Variants in GPBP1 observed in about 807,000 individuals in gnomAD.
GPBP1 encodes vasculin.
A neutral mutation model predicts 56.5 loss-of-function variants in GPBP1; 13 were observed. The observed-to-expected ratio is 0.23, with a 90% confidence interval of 0.15 to 0.37. The LOEUF is 0.37. Among genes scored for constraint, GPBP1 ranks in the 10% least tolerant of loss-of-function variants. The probability of loss-of-function intolerance (pLI) is 1.00; values close to 1 mark genes in which losing one functional copy is unlikely to be tolerated. For synonymous variants in GPBP1, 204 were observed against 188.9 expected, an observed-to-expected ratio of 1.08 and a Z score of -0.66; for missense variants, 477 against 572.3, an observed-to-expected ratio of 0.83 and a Z score of 1.70.
chr5:57,177,471 C>T (rs1323607162), intron 2 of GPBP1, among the ~76,000 whole-genome samples: 6 of 151,488 alleles, frequency 4.0e-5, no homozygotes, highest in Non-Finnish European at 7.4e-5. Flanking sequence ...CTTTCTGAGA[C>T]GAAAGACTAA....
At chr5:57,175,225 A>T (rs575974905) in intron 1 of GPBP1, among the ~76,000 whole-genome samples, 1 of 152,180 alleles carries the variant, frequency 6.6e-6, no homozygotes, top group African/African-American at 2.4e-5. Context: ...CTTGCCCTCC[A>T]TAATACCGTC....
intron 6 of GPBP1, among the ~76,000 whole-genome samples, chr5:57,243,051 A>G (rs1009679434): frequency 2.7e-5 from 4 of 150,778 alleles, no homozygotes; most frequent in Non-Finnish European, 5.9e-5. Context: ...GCCCGGCCTA[A>G]TATGAATTAC....
chr5:57,233,318 A>G (rs1756536063), intron 5 of GPBP1, among the ~76,000 whole-genome samples: 1 of 152,186 alleles, frequency 6.6e-6, no homozygotes, highest in Non-Finnish European at 1.5e-5. Flanking sequence ...TCCTGTTATC[A>G]AGTAACTTTG....
At chr5:57,186,089 A>G (rs549467203) in intron 2 of GPBP1, among the ~76,000 whole-genome samples, 1 of 152,216 alleles carries the variant, frequency 6.6e-6, no homozygotes, top group Non-Finnish European at 1.5e-5. Context: ...GTGTCTTTTG[A>G]AGAGCAAAAA....
intron 2 of GPBP1, among the ~76,000 whole-genome samples, chr5:57,191,625 G>C (rs1012653628): frequency 1.3e-5 from 2 of 150,852 alleles, no homozygotes; most frequent in African/African-American, 4.9e-5. Context: ...GCAGTGGTGC[G>C]ATCTCAGCTC....
chr5:57,194,994 T>A (rs575150479), intron 2 of GPBP1, among the ~76,000 whole-genome samples: 1 of 152,290 alleles, frequency 6.6e-6, no homozygotes, highest in South Asian at 2.1e-4. Context: ...ATATACTGAT[T>A]TCCTTTGTTT....
intron 2 of GPBP1, among the ~76,000 whole-genome samples, chr5:57,190,441 C>T (rs1280903271): frequency 4.0e-5 from 6 of 151,670 alleles, no homozygotes; most frequent in Admixed American, 1.3e-4. Flanking sequence ...AAAAATTAGC[C>T]GAGCGTGTTG....
intron 2 of GPBP1, among the ~76,000 whole-genome samples, chr5:57,201,222 G>C (rs1305247323): frequency 6.6e-6 from 1 of 152,130 alleles, no homozygotes; most frequent in Non-Finnish European, 1.5e-5. Flanking sequence ...CTGTTGCCCA[G>C]GCTCGTGATC....
chr5:57,200,130 G>A (rs1230085293), intron 2 of GPBP1, among the ~76,000 whole-genome samples: 9 of 76,052 alleles, frequency 1.2e-4, no homozygotes, highest in Admixed American at 5.2e-4. Flanking sequence ...ACCCGTCCCC[G>A]CCCCGCCCCT....
chr5:57,229,315 T>C (rs994062736), intron 3 of GPBP1, among the ~76,000 whole-genome samples: 2 of 141,826 alleles, frequency 1.4e-5, no homozygotes, highest in East Asian at 2.0e-4. Flanking sequence ...TATTGGCCAA[T>C]GGGCAAGAGG....
At chr5:57,236,624 T>C (rs1756674819) in intron 6 of GPBP1, among the ~76,000 whole-genome samples, 1 of 152,054 alleles carries the variant, frequency 6.6e-6, no homozygotes, top group Non-Finnish European at 1.5e-5. Flanking sequence ...AAAAGACTGC[T>C]GACAGTTCAA....
At position 57,247,178 on chromosome 5, in the gene GPBP1, C is replaced by G. The variant is rs189491711; in HGVS notation, c.767C>G (p.Ala256Gly). Residue 256 changes from alanine (A) to glycine (G), a missense_variant, in exon 8 of 12, where the codon GCC (alanine) becomes GGC (glycine). Coordinates refer to ENST00000506184, the MANE Select transcript of GPBP1 (RefSeq NM_022913.4). ...VGNFNAFKST[A>G]KNFSPSTNSV... ...AACTTTAATGCTTTTAAATCAACTG[C>G]CAAGAACTTTAGTCCATCTACAAAT... 6.2e-7 allele frequency: 1 copy of G among 1,613,426 alleles called. No homozygotes were observed. The highest frequency in any genetic ancestry group is 2.2e-5 in the East Asian group (1 of 44,796).
intron 3 of GPBP1, among the ~76,000 whole-genome samples, chr5:57,229,279 TCTTCTCAACC>T: frequency 6.9e-6 from 1 of 144,024 alleles, no homozygotes; most frequent in Middle Eastern, 3.5e-3. Flanking sequence ...GAGTTGTCTG[TCTTCTCAACC>T]CTTACTGTCA....
At chr5:57,251,275 A>G (rs746188596) in intron 10 of GPBP1, 134 bp downstream of exon 10, 3 of 713,994 alleles carry the variant, frequency 4.2e-6, no homozygotes, top group South Asian at 2.1e-5. Flanking sequence ...TGATATACAG[A>G]TGGTTTTTAA....
At chr5:57,206,593 C>T (rs1297318535) in intron 2 of GPBP1, among the ~76,000 whole-genome samples, 2 of 151,922 alleles carry the variant, frequency 1.3e-5, no homozygotes, top group African/African-American at 4.8e-5. Flanking sequence ...AGGCTGGTCT[C>T]GGACTCCTGA....
At position 57,247,303 on chromosome 5, in the gene GPBP1, A is replaced by G. The variant is rs188873619; in HGVS notation, c.804+88A>G. 1.3e-4 allele frequency: 136 copies of G among 1,029,442 alleles called. No homozygotes were observed. The African/African-American group carries it at 2.0e-3, about 15-fold the overall frequency. The allele number at this position is 1,029,442 out of a possible 1,614,324, so 63.8% of individuals were successfully genotyped here. On this transcript the variant is annotated intron_variant, in intron 8 of 11. Transcript: ENST00000506184. ...ATAAAAGGTAGAAATTCATTAAATG[A>G]ATACATTAAAATGAGTTTCATTCCT...
chr5:57,202,609 T>C (rs1327104152), intron 2 of GPBP1, among the ~76,000 whole-genome samples: 1 of 152,132 alleles, frequency 6.6e-6, no homozygotes, highest in Non-Finnish European at 1.5e-5. Flanking sequence ...TTTAAAAAGC[T>C]TATCTATCAT....
intron 3 of GPBP1, among the ~76,000 whole-genome samples, chr5:57,219,405 C>CAAAAAAAAAAAAAAAAAAAAAAAAA (rs1200185260): frequency 5.8e-5 from 2 of 34,208 alleles, no homozygotes; most frequent in Admixed American, 4.2e-4. Context: ...AAAAAAAAAC[C>CAAAAAAAAAAAAAAAAAAAAAAAAA]AAAAACAAAC....
At chr5:57,260,234 A>G (rs1476052506) in intron 10 of GPBP1, among the ~76,000 whole-genome samples, 1 of 152,204 alleles carries the variant, frequency 6.6e-6, no homozygotes, top group African/African-American at 2.4e-5. Flanking sequence ...TTAGGGCACT[A>G]ACAAGATTAA....
Sources: allele counts gnomAD v4.1 joint callset (sites outside exome capture counted in the v4.1 genomes callset), GRCh38; gene constraint gnomAD v4.1.1; transcripts MANE v1.5; gene names NCBI Gene and HGNC (gene_info 2026-07-23, HGNC 2026-07-21).